The following ADORA1 variants were observed in gnomAD, a reference collection of about 807,000 sequenced individuals.
ADORA1 encodes the protein adenosine receptor A1.
A neutral mutation model predicts 19.9 loss-of-function variants in ADORA1; 6 were observed. That is an observed-to-expected ratio of 0.30 (90% CI 0.17 to 0.59). ADORA1 has a LOEUF of 0.59. Ranked by LOEUF, ADORA1 falls within the 20% of genes least tolerant of loss-of-function variation. The pLI, the probability that ADORA1 is intolerant of heterozygous loss-of-function variation, is 0.87. For synonymous variants in ADORA1, 194 were observed against 188.4 expected (o/e 1.03, Z -0.24); for missense variants, 302 against 439.2 (o/e 0.69, Z 2.79).
chr1:203,158,349 C>G (rs1222410280), intron 3 of ADORA1, among the ~76,000 whole-genome samples: 3 of 152,162 alleles, frequency 2.0e-5, no homozygotes, highest in Admixed American at 6.5e-5. Context: ...CAAGGATGAC[C>G]TTTACTCCAG....
chr1:203,157,284 T>C (rs571890387), intron 3 of ADORA1, among the ~76,000 whole-genome samples: 9 of 152,292 alleles, frequency 5.9e-5, no homozygotes, highest in African/African-American at 2.2e-4. Context: ...AGGAATAGGA[T>C]AGGTTCCCCA....
At chr1:203,144,537 G>A (rs1190773819) in intron 3 of ADORA1, among the ~76,000 whole-genome samples, 1 of 152,154 alleles carries the variant, frequency 6.6e-6, no homozygotes. Context: ...TGAGGGAGCC[G>A]AGGCTCAGAG....
intron 3 of ADORA1, among the ~76,000 whole-genome samples, chr1:203,159,357 C>A (rs1013588068): frequency 2.6e-5 from 4 of 152,236 alleles, no homozygotes; most frequent in African/African-American, 9.6e-5. Flanking sequence ...ACACTTGCTG[C>A]AGCCCTCTCA....
At chr1:203,135,834 C>T (rs1338813065) in intron 3 of ADORA1, among the ~76,000 whole-genome samples, 1 of 152,156 alleles carries the variant, frequency 6.6e-6, no homozygotes, top group Non-Finnish European at 1.5e-5. Context: ...TCCCTTTACT[C>T]CAACTCTCCC....
chr1:203,155,262 G>A (rs953458295), intron 3 of ADORA1, among the ~76,000 whole-genome samples: 6 of 152,100 alleles, frequency 3.9e-5, no homozygotes, highest in Non-Finnish European at 5.9e-5. Flanking sequence ...GGGTGGTCTC[G>A]AACTCCTGAC....
In ADORA1 at chr1:203,128,306, C is replaced by G. The variant is rs763080852; in HGVS notation, c.-184C>G. 1.6e-6 allele frequency: 2 copies of G among 1,280,808 alleles called. No individual in the cohort carries two copies. Among genetic ancestry groups the G allele is most frequent in the Non-Finnish European group, 2.0e-6 (2 of 982,656 alleles). The allele number at this position is 1,280,808 out of a possible 1,614,324, so 79.3% of individuals were successfully genotyped here. Reference sequence around the variant, plus strand: ...GGGCTGGGAGCGCTGCGGCGGGAGCCGGAGGACTATGAGCTGCCGCGCGTT... The same window carrying G: ...GGGCTGGGAGCGCTGCGGCGGGAGCGGGAGGACTATGAGCTGCCGCGCGTT... On this transcript the variant is annotated 5_prime_UTR_variant, in exon 2 of 4. Transcript: ENST00000337894. The surrounding 1 kb of genome is among the most constrained non-coding windows in gnomAD (Gnocchi z 5.9).
intron 3 of ADORA1, chr1:203,152,621 A>G (rs1056555847): frequency 6.6e-6 from 1 of 151,786 alleles, no homozygotes; most frequent in East Asian, 1.9e-4. Flanking sequence ...ACAGTCACCC[A>G]TAGCAGGTGG....
intron 3 of ADORA1, among the ~76,000 whole-genome samples, chr1:203,162,461 C>T (rs1002362441): frequency 7.9e-5 from 12 of 152,146 alleles, no homozygotes; most frequent in African/African-American, 2.9e-4. Context: ...CTGTCTACCT[C>T]TCCTCTCTCC....
intron 3 of ADORA1, among the ~76,000 whole-genome samples, chr1:203,158,666 T>C (rs539447264): frequency 3.3e-4 from 50 of 152,328 alleles, no homozygotes; most frequent in African/African-American, 1.2e-3. Flanking sequence ...GTACCAATCT[T>C]CTGTCTTAGT....
At chr1:203,148,565 C>G (rs866260825) in intron 3 of ADORA1, among the ~76,000 whole-genome samples, 6 of 152,180 alleles carry the variant, frequency 3.9e-5, no homozygotes, top group Admixed American at 6.5e-5. Context: ...TCACCCTGAG[C>G]CTTGGCCCCC....
intron 3 of ADORA1, chr1:203,150,847 G>C: frequency 7.9e-7 from 1 of 1,270,632 alleles, no homozygotes; most frequent in Non-Finnish European, 1.0e-6. Flanking sequence ...TCCAGGGCAG[G>C]GGGCTAGGTG....
chr1:203,160,479 T>C (rs1377572845), intron 3 of ADORA1, among the ~76,000 whole-genome samples: 1 of 152,156 alleles, frequency 6.6e-6, no homozygotes, highest in Admixed American at 6.5e-5. Flanking sequence ...ATCTAAGTGA[T>C]AGGGTTGCGC....
At position 203,127,799 on chromosome 1, in the gene ADORA1, G is replaced by C. The variant is rs1654195960; in HGVS notation, c.-342G>C. 1 of 152,620 alleles carries C rather than the reference G, an allele frequency of 6.6e-6. No individual in the cohort carries two copies. Among genetic ancestry groups the C allele is most frequent in the South Asian group, 2.1e-4 (1 of 4,850 alleles). The allele number at this position is 152,620 out of a possible 1,614,324, so 9.5% of individuals were successfully genotyped here. On this transcript the variant is annotated 5_prime_UTR_variant, in exon 1 of 4. Coordinates refer to ENST00000337894, the MANE Select transcript of ADORA1 (RefSeq NM_000674.3). The stretch of plus-strand genomic sequence containing the variant: ...GTCCCAGCCAGCTACCATCCCTCTG[G>C]AGCTTACCGGCCGGCCTTGGCTTCC...
chr1:203,151,788 G>GCATTCATTCATTCATTCATTCATT (rs34226911), intron 3 of ADORA1, among the ~76,000 whole-genome samples: 1 of 151,208 alleles, frequency 6.6e-6, no homozygotes, highest in Admixed American at 6.6e-5. Context: ...ATGCATGCAT[G>GCATTCATTCATTCATTCATTCATT]CATTCATTCA....
intron 3 of ADORA1, among the ~76,000 whole-genome samples, chr1:203,151,386 A>C (rs557244001): frequency 2.8e-4 from 42 of 152,346 alleles, no homozygotes; most frequent in Non-Finnish European, 5.6e-4. Flanking sequence ...CCCGTTCTGT[A>C]CGAAGGTTGA....
intron 3 of ADORA1, among the ~76,000 whole-genome samples, chr1:203,148,091 C>A (rs376851137): frequency 6.6e-6 from 1 of 152,076 alleles, no homozygotes; most frequent in African/African-American, 2.4e-5. Context: ...TGGTGGCGGG[C>A]GCCTGTAGTC....
At chr1:203,136,914 G>C (rs1419937052) in intron 3 of ADORA1, among the ~76,000 whole-genome samples, 2 of 152,088 alleles carry the variant, frequency 1.3e-5, no homozygotes, top group African/African-American at 4.8e-5. Context: ...TATGAGCCAG[G>C]GTCTGTTGGG....
intron 3 of ADORA1, among the ~76,000 whole-genome samples, chr1:203,158,860 G>A (rs1655275558): frequency 6.6e-6 from 1 of 152,158 alleles, no homozygotes; most frequent in Non-Finnish European, 1.5e-5. Flanking sequence ...ACTCCCTAGA[G>A]AGAGAAAAGA....
At chr1:203,130,655 A>G (rs1018374637) in intron 3 of ADORA1, among the ~76,000 whole-genome samples, 2 of 152,256 alleles carry the variant, frequency 1.3e-5, no homozygotes, top group Non-Finnish European at 2.9e-5. Flanking sequence ...GAGCCTGGCC[A>G]TTATAACGAA....
Sources: allele counts gnomAD v4.1 joint callset (sites outside exome capture counted in the v4.1 genomes callset), GRCh38; gene constraint gnomAD v4.1.1; non-coding constraint Gnocchi (gnomAD v3.1); transcripts MANE v1.5; gene names NCBI Gene and HGNC (gene_info 2026-07-23, HGNC 2026-07-21).